DLGAP2: variants seen among roughly 807,000 people sequenced by gnomAD.
The protein encoded by DLGAP2 is disks large-associated protein 2.
In DLGAP2, 26 loss-of-function variants were observed where a neutral mutation model predicts 100.3. The observed-to-expected ratio is 0.26, with a 90% CI of 0.19 to 0.36. The LOEUF (loss-of-function observed/expected upper bound fraction) is 0.36, where lower values mean the gene tolerates loss of function less well. Ranked by LOEUF, DLGAP2 falls within the 10% of genes least tolerant of loss-of-function variation. The pLI, the probability that DLGAP2 is intolerant of heterozygous loss-of-function variation, is 1.00. For missense variants in DLGAP2, 1,858 were observed against 1,453.2 expected (o/e 1.28, Z -4.53); for synonymous variants, 886 against 630.1 (o/e 1.41, Z -6.08).
chr8:1,517,615 G>A (rs947228253), intron 4 of DLGAP2, among the ~76,000 whole-genome samples: 8 of 152,172 alleles, frequency 5.3e-5, no homozygotes, highest in African/African-American at 1.7e-4. Flanking sequence ...CCCTCCATCC[G>A]AATGCAGGCA....
chr8:1,320,351 A>G (rs895894912), intron 3 of DLGAP2, among the ~76,000 whole-genome samples: 1 of 152,056 alleles, frequency 6.6e-6, no homozygotes, highest in African/African-American at 2.4e-5. Flanking sequence ...ACTCGAGGGA[A>G]CCGTAGCGTC....
At chr8:1,445,740 C>T (rs1797967880) in intron 3 of DLGAP2, among the ~76,000 whole-genome samples, 1 of 152,184 alleles carries the variant, frequency 6.6e-6, no homozygotes, top group Admixed American at 6.5e-5. Flanking sequence ...TCCACATCCT[C>T]TCCAGCACCT....
chr8:1,599,739 C>T (rs188371428), intron 6 of DLGAP2, among the ~76,000 whole-genome samples: 90 of 152,256 alleles, frequency 5.9e-4, no homozygotes, highest in African/African-American at 2.1e-3. Flanking sequence ...AATATTCCTC[C>T]ATCCCTTTAT....
At chr8:1,318,408 T>G (rs79668035) in intron 3 of DLGAP2, among the ~76,000 whole-genome samples, 4,018 of 151,456 alleles carry the variant, frequency 0.027, 189 homozygotes, top group African/African-American at 0.092. Context: ...TGTCCATATC[T>G]AGTTCACCCA....
rs528235815 is a variant in DLGAP2, at chr8:750,682, C to G, written c.18+12857C>G. The stretch of plus-strand genomic sequence containing the variant: ...CACGGCACCTGGCCCACATCCCGGT[C>G]TGCCTCCGCCCTCCCCTGCACAGGT... On this transcript the variant is annotated intron_variant, in intron 1 of 14. Coordinates refer to ENST00000637795, the MANE Select transcript of DLGAP2 (RefSeq NM_001346810.2). 2.0e-5 allele frequency among the ~76,000 whole-genome samples: 3 copies of G among 152,374 alleles called. No homozygotes were observed. In the South Asian group the frequency reaches 6.2e-4, roughly 32 times the overall value.
At chr8:914,452 G>C (rs1314295616) in intron 2 of DLGAP2, among the ~76,000 whole-genome samples, 2 of 152,248 alleles carry the variant, frequency 1.3e-5, no homozygotes, top group South Asian at 2.1e-4. Flanking sequence ...GCTAGAACAA[G>C]GGGGTGTGGA....
At position 1,697,242 on chromosome 8, in the gene DLGAP2, C is replaced by A. The variant is rs375261620; in HGVS notation, c.2892C>A (p.Asp964Glu). 57 of 1,610,916 alleles carry A rather than the reference C, an allele frequency of 3.5e-5. No individual in the cohort carries two copies. The highest frequency in any genetic ancestry group is 4.5e-5 in the Non-Finnish European group (53 of 1,178,278). ...LSIEDVSMKF[D>E]ELQRLRLNDW... ...TTGAGGACGTCAGCATGAAGTTCGA[C>A]GAGCTGCAGCGGCTGCGGCTCAACG... Residue 964 changes from aspartate (D) to glutamate (E), a missense_variant, in exon 14 of 15, where the codon GAC becomes GAA. Asp to Glu is a conservative substitution (Grantham distance 45). Transcript: ENST00000637795.
chr8:1,626,358 A>G lies in DLGAP2; in HGVS notation c.1443-382A>G, dbSNP rs865851778. 1.4e-3 allele frequency among the ~76,000 whole-genome samples: 116 copies of G among 82,868 alleles called. 3 individuals carry two copies. Among genetic ancestry groups the G allele is most frequent in the African/African-American group, 5.5e-3 (91 of 16,574 alleles). The allele number at this position is 82,868 out of a possible 152,430, so 54.4% of individuals were successfully genotyped here. On this transcript the variant is annotated intron_variant, in intron 6 of 14. Transcript: ENST00000637795. ...ACGGCTGTTCCCATCTCTACCCTGC[A>G]GCAGGTGCTCAGCCTCTGGGTGTGG...
intron 1 of DLGAP2, among the ~76,000 whole-genome samples, chr8:861,807 A>G (rs1448808485): frequency 6.6e-6 from 1 of 152,182 alleles, no homozygotes; most frequent in Non-Finnish European, 1.5e-5. Context: ...TCCCGGTGGA[A>G]ATGTGTTTGC....
chr8:749,950 C>T (rs1820749513), intron 1 of DLGAP2, among the ~76,000 whole-genome samples: 2 of 152,218 alleles, frequency 1.3e-5, no homozygotes. Flanking sequence ...ACGTGGCCTC[C>T]TCCTCTTCTC....
chr8:927,869 A>C (rs906905233), intron 2 of DLGAP2, among the ~76,000 whole-genome samples: 7 of 152,184 alleles, frequency 4.6e-5, no homozygotes, highest in Non-Finnish European at 2.9e-5. Flanking sequence ...AAAAACAAAC[A>C]AAAAAACCCC....
intron 1 of DLGAP2, among the ~76,000 whole-genome samples, chr8:860,721 A>G (rs1797372509): frequency 6.6e-6 from 1 of 152,240 alleles, no homozygotes; most frequent in African/African-American, 2.4e-5. Flanking sequence ...TTCCACAAAA[A>G]CATAATCGTG....
At chr8:1,042,761 T>C (rs1802392225) in intron 2 of DLGAP2, among the ~76,000 whole-genome samples, 1 of 119,214 alleles carries the variant, frequency 8.4e-6, no homozygotes, top group Non-Finnish European at 1.8e-5. Flanking sequence ...ATGTAGGTGG[T>C]GGATGTGGGT....
chr8:1,223,905 A>G (rs1194882835), intron 2 of DLGAP2, among the ~76,000 whole-genome samples: 1 of 152,260 alleles, frequency 6.6e-6, no homozygotes, highest in Non-Finnish European at 1.5e-5. Context: ...GAGATGGAGA[A>G]AAACAGAAGA....
intron 2 of DLGAP2, among the ~76,000 whole-genome samples, chr8:1,250,167 C>T: frequency 6.6e-6 from 1 of 152,116 alleles, no homozygotes; most frequent in East Asian, 1.9e-4. Context: ...GCGTGAGCCA[C>T]CATGCCCAGT....
chr8:1,370,589 C>T (rs1802214232), intron 3 of DLGAP2, among the ~76,000 whole-genome samples: 3 of 152,180 alleles, frequency 2.0e-5, no homozygotes, highest in Admixed American at 2.0e-4. Flanking sequence ...AGAAGAAAAG[C>T]TGTCTTTTAT....
chr8:1,024,872 C>T (rs1801746088), intron 2 of DLGAP2, among the ~76,000 whole-genome samples: 1 of 152,292 alleles, frequency 6.6e-6, no homozygotes, highest in African/African-American at 2.4e-5. Context: ...CAACTGCAGC[C>T]CTTGATCCTT....
At chr8:1,196,760 C>T (rs4576448) in intron 2 of DLGAP2, among the ~76,000 whole-genome samples, 14,718 of 152,236 alleles carry the variant, frequency 0.097, 800 homozygotes, top group East Asian at 0.17. Context: ...CCTGTGCCTC[C>T]TGGCTTGGAC....
chr8:793,491 C>T (rs1795964079), intron 1 of DLGAP2, among the ~76,000 whole-genome samples: 1 of 152,208 alleles, frequency 6.6e-6, no homozygotes, highest in Non-Finnish European at 1.5e-5. Context: ...CTTCCCCGCA[C>T]CACGCTGCTG....
Sources: gnomAD v4.1 joint callset for allele counts (sites outside exome capture counted in the v4.1 genomes callset) on GRCh38, gnomAD v4.1.1 for gene constraint, MANE v1.5 for transcripts, NCBI Gene and HGNC (gene_info 2026-07-23, HGNC 2026-07-21) for gene names.